Variants in PCDHA8 observed in about 807,000 individuals in gnomAD.
PCDHA8 encodes protocadherin alpha-8.
In PCDHA8, 53 loss-of-function variants were observed where a neutral mutation model predicts 61.8. The observed-to-expected ratio is 0.86, with a 90% CI of 0.69 to 1.08. PCDHA8 has a LOEUF of 1.08. PCDHA8 is among the 50% of genes least tolerant of loss of function. The pLI is 0.00. For synonymous variants in PCDHA8, 618 were observed against 556.6 expected (o/e 1.11, Z -1.55); for missense variants, 1,293 against 1,245.0 (o/e 1.04, Z -0.58).
intron 1 of PCDHA8, chr5:140,877,293 G>C (rs782717737): frequency 1.2e-6 from 2 of 1,613,936 alleles, no homozygotes; most frequent in Non-Finnish European, 1.7e-6. Context: ...ACGCTTGGCT[G>C]TCCTACGAGT....
intron 1 of PCDHA8, chr5:140,877,906 A>G: frequency 2.1e-6 from 3 of 1,435,008 alleles, no homozygotes; most frequent in Non-Finnish European, 1.8e-6. Flanking sequence ...TTATAACTAC[A>G]TTCTCTCATT....
At chr5:140,867,282 C>T (rs921833641) in intron 1 of PCDHA8, 6 of 152,010 alleles carry the variant, frequency 3.9e-5, no homozygotes, top group African/African-American at 7.2e-5. Flanking sequence ...ACCTGATGTG[C>T]TTCAAATATC....
At chr5:140,898,930 G>A (rs2067050521) in intron 1 of PCDHA8, among the ~76,000 whole-genome samples, 1 of 152,054 alleles carries the variant, frequency 6.6e-6, no homozygotes, top group African/African-American at 2.4e-5. Context: ...GGATTCCTAA[G>A]TATTTTATTC....
chr5:140,984,682 A>G (rs2097114582), intron 3 of PCDHA8, among the ~76,000 whole-genome samples: 2 of 152,136 alleles, frequency 1.3e-5, no homozygotes, highest in Non-Finnish European at 2.9e-5. Context: ...AGGACTCAAT[A>G]TATGTTCTGC....
At chr5:140,955,990 T>C (rs246015) in intron 1 of PCDHA8, among the ~76,000 whole-genome samples, 48,106 of 152,064 alleles carry the variant, frequency 0.32, 7,958 homozygotes, top group East Asian at 0.53. Context: ...TTTTTGCACA[T>C]TGATTTTGTA....
Position 140,841,708 on chromosome 5 carries a change from C to T in PCDHA8, c.387C>T (p.Asn129=). 6.2e-7 allele frequency: 1 copy of T among 1,613,888 alleles called. No individual in the cohort carries two copies. The part of the protein sequence containing the change: ...VDVEVKDVND[N]PPVFRVKDQK... ...TGGAGGTGAAGGATGTTAATGACAA[C>T]CCGCCAGTGTTCCGGGTAAAAGACC... Residue 129 remains asparagine, a synonymous_variant, in exon 1 of 4, where the codon AAC becomes AAT. Transcript: ENST00000531613.
At chr5:140,975,093 T>C (rs578045924) in intron 1 of PCDHA8, among the ~76,000 whole-genome samples, 2 of 152,266 alleles carry the variant, frequency 1.3e-5, no homozygotes, top group South Asian at 2.1e-4. Context: ...ATCCAGTTGT[T>C]TGGGGACTGA....
At chr5:140,902,442 T>G (rs1182491503) in intron 1 of PCDHA8, among the ~76,000 whole-genome samples, 1 of 152,166 alleles carries the variant, frequency 6.6e-6, no homozygotes, top group Non-Finnish European at 1.5e-5. Flanking sequence ...CCTTGTCATA[T>G]TCTAGATCCT....
chr5:140,857,661 A>T, intron 1 of PCDHA8: 1 of 1,596,582 alleles, frequency 6.3e-7, no homozygotes, highest in Non-Finnish European at 8.6e-7. Context: ...AGCGCGCGCG[A>T]TGGGGGCGTG....
chr5:140,968,789 G>C, intron 1 of PCDHA8: 5 of 1,614,180 alleles, frequency 3.1e-6, no homozygotes, highest in Non-Finnish European at 4.2e-6. Context: ...AGCCTCTGTG[G>C]CCATTACAGT....
At chr5:140,958,593 A>G (rs1412529643) in intron 1 of PCDHA8, among the ~76,000 whole-genome samples, 2 of 152,214 alleles carry the variant, frequency 1.3e-5, no homozygotes, top group African/African-American at 4.8e-5. Context: ...GCTTATGATA[A>G]TTGGATCAAA....
At chr5:140,974,350 C>T (rs555781549) in intron 1 of PCDHA8, among the ~76,000 whole-genome samples, 1 of 152,304 alleles carries the variant, frequency 6.6e-6, no homozygotes, top group South Asian at 2.1e-4. Flanking sequence ...GCATCCAGAA[C>T]TAAACAGACC....
intron 3 of PCDHA8, among the ~76,000 whole-genome samples, chr5:140,994,878 A>G (rs1034578696): frequency 2.0e-5 from 3 of 152,170 alleles, no homozygotes; most frequent in Non-Finnish European, 4.4e-5. Context: ...GAATAAAGAG[A>G]TGTTAGGAAA....
At chr5:140,888,161 C>G (rs1272451290) in intron 1 of PCDHA8, among the ~76,000 whole-genome samples, 1 of 152,160 alleles carries the variant, frequency 6.6e-6, no homozygotes, top group Non-Finnish European at 1.5e-5. Context: ...CTGGTAATCT[C>G]TAATAAGATG....
intron 1 of PCDHA8, among the ~76,000 whole-genome samples, chr5:140,975,119 A>C (rs2096654213): frequency 6.6e-6 from 1 of 152,038 alleles, no homozygotes; most frequent in African/African-American, 2.4e-5. Context: ...CTGTTTTCCT[A>C]CTTACTATTG....
chr5:140,869,270 T>G (rs782020247), intron 1 of PCDHA8: 48 of 1,613,430 alleles, frequency 3.0e-5, no homozygotes, highest in Non-Finnish European at 4.0e-5. Context: ...GGGCTGGAGC[T>G]GGCGGAGCTG....
intron 1 of PCDHA8, chr5:140,856,983 G>A: frequency 6.3e-7 from 1 of 1,595,186 alleles, no homozygotes; most frequent in Non-Finnish European, 8.6e-7. Flanking sequence ...TTTGAGGACA[G>A]TAACACTTAT....
chr5:140,861,473 T>C (rs2046940252), intron 1 of PCDHA8: 2 of 491,456 alleles, frequency 4.1e-6, no homozygotes. Context: ...ATCTGCAGAA[T>C]GGCATTTTTG....
chr5:140,968,866 A>C, intron 1 of PCDHA8: 1 of 1,614,230 alleles, frequency 6.2e-7, no homozygotes, highest in Non-Finnish European at 8.5e-7. Context: ...GCCCTCGGAC[A>C]TACTCTGAAA....
Sources: gnomAD v4.1 joint callset for allele counts (sites outside exome capture counted in the v4.1 genomes callset) on GRCh38, gnomAD v4.1.1 for gene constraint, MANE v1.5 for transcripts, NCBI Gene and HGNC (gene_info 2026-07-23, HGNC 2026-07-21) for gene names.